Variants in MAMLD1 observed in about 807,000 individuals in gnomAD.
The protein encoded by MAMLD1 is mastermind-like domain-containing protein 1.
A neutral mutation model predicts 45.0 loss-of-function variants in MAMLD1; 14 were observed. The observed-to-expected ratio is 0.31, with a 90% confidence interval of 0.21 to 0.49. The LOEUF (loss-of-function observed/expected upper bound fraction) is 0.49. MAMLD1 is among the 20% of genes least tolerant of loss of function. The probability of loss-of-function intolerance (pLI) is 0.99; values close to 1 mark genes in which losing one functional copy is unlikely to be tolerated. For missense variants in MAMLD1, 543 were observed against 603.6 expected (o/e 0.90, Z 1.05); for synonymous variants, 254 against 247.8 (o/e 1.02, Z -0.24).
intron 1 of MAMLD1, 22 bp from the exon 2 acceptor site, chrX:150,445,432 G>A (rs1023972175): frequency 1.4e-5 from 9 of 629,597 alleles, no homozygotes; most frequent in African/African-American, 2.2e-5. Flanking sequence ...CTGAAAGACA[G>A]TGTACTTTTT....
rs782674291 is a variant in MAMLD1, at chrX:150,472,516, T to C, written c.1917+1026T>C. ...GCAGGAAGCAGTTCCTTGCAGGTTG[T>C]TGGACTGAGGCCTCGGTTTCTCATG... On this transcript the variant is annotated intron_variant, in intron 4 of 7. Coordinates refer to ENST00000370401, the MANE Select transcript of MAMLD1 (RefSeq NM_005491.5). Among the ~76,000 whole-genome samples, 31 of 112,303 alleles carry C rather than the reference T, an allele frequency of 2.8e-4. No homozygotes were observed. The South Asian group carries it at 0.01, about 37-fold the overall frequency.
intron 1 of MAMLD1, among the ~76,000 whole-genome samples, chrX:150,410,272 G>T (rs2034093585): frequency 8.9e-6 from 1 of 112,018 alleles, no homozygotes; most frequent in East Asian, 2.8e-4. Flanking sequence ...ACCTTTATAG[G>T]TCCCTTTGTT....
intron 1 of MAMLD1, among the ~76,000 whole-genome samples, chrX:150,379,452 C>T (rs1557401547): frequency 8.9e-6 from 1 of 111,779 alleles, no homozygotes; most frequent in East Asian, 2.8e-4. Flanking sequence ...GTTCATCTCC[C>T]GGGCCCCACT....
At chrX:150,376,890 A>C (rs1318235032) in intron 1 of MAMLD1, among the ~76,000 whole-genome samples, 1 of 105,810 alleles carries the variant, frequency 9.5e-6, no homozygotes, top group African/African-American at 3.5e-5. Flanking sequence ...AAAAAAAAAA[A>C]CAATCCCAAG....
At chrX:150,493,228 G>T (rs2037243612) in intron 5 of MAMLD1, among the ~76,000 whole-genome samples, 1 of 111,430 alleles carries the variant, frequency 9.0e-6, no homozygotes, top group African/African-American at 3.3e-5. Context: ...AAGAGAGTGT[G>T]CTGAGCTAGG....
intron 5 of MAMLD1, among the ~76,000 whole-genome samples, chrX:150,492,971 T>C (rs2037234908): frequency 9.0e-6 from 1 of 111,290 alleles, no homozygotes; most frequent in Non-Finnish European, 1.9e-5. Flanking sequence ...GAGCCTTCAG[T>C]GACAGGAGAG....
chrX:150,427,479 C>T (rs2034749542), intron 1 of MAMLD1, among the ~76,000 whole-genome samples: 2 of 111,807 alleles, frequency 1.8e-5, no homozygotes, highest in African/African-American at 6.5e-5. Context: ...TCTGCCTTAA[C>T]CCCAAATCTG....
chrX:150,433,748 A>C (rs1449459032), intron 1 of MAMLD1, among the ~76,000 whole-genome samples: 1 of 112,065 alleles, frequency 8.9e-6, no homozygotes, highest in Non-Finnish European at 1.9e-5. Flanking sequence ...TTGCATCACA[A>C]GGATAAAGCC....
intron 1 of MAMLD1, among the ~76,000 whole-genome samples, chrX:150,427,560 C>A (rs2034754377): frequency 1.3e-5 from 1 of 75,862 alleles, no homozygotes; most frequent in South Asian, 8.6e-4. Context: ...AATGCCTGAA[C>A]CACACCTGTC....
At chrX:150,439,673 G>T (rs1299873961) in intron 1 of MAMLD1, among the ~76,000 whole-genome samples, 1 of 111,881 alleles carries the variant, frequency 8.9e-6, no homozygotes, top group East Asian at 2.8e-4. Context: ...GGTGGCTCAC[G>T]CCTGTAATCC....
chrX:150,451,501 G>A (rs2035663735), intron 2 of MAMLD1, among the ~76,000 whole-genome samples: 2 of 111,445 alleles, frequency 1.8e-5, no homozygotes, highest in African/African-American at 3.3e-5. Flanking sequence ...TCCACAGCTG[G>A]AAAGCCCAAT....
At chrX:150,450,994 G>A (rs1557405047) in intron 2 of MAMLD1, among the ~76,000 whole-genome samples, 1 of 112,963 alleles carries the variant, frequency 8.9e-6, no homozygotes, top group Non-Finnish European at 1.9e-5. Flanking sequence ...GCCAGGCAGA[G>A]GCCTTGCCTT....
chrX:150,404,064 A>AAGGAAGGAAGGAAGGAAGGAAGGAAGGG (rs2033938908), intron 1 of MAMLD1, among the ~76,000 whole-genome samples: 1 of 103,296 alleles, frequency 9.7e-6, no homozygotes, highest in African/African-American at 3.6e-5. Context: ...GGAAGGAAGG[A>AAGGAAGGAAGGAAGGAAGGAAGGAAGGG]AAGGAGGGAG....
chrX:150,497,505 G>A (rs2037423640), intron 5 of MAMLD1, among the ~76,000 whole-genome samples: 1 of 108,866 alleles, frequency 9.2e-6, no homozygotes, highest in Non-Finnish European at 1.9e-5. Flanking sequence ...GGCTGGTCTT[G>A]AACTCCTGTC....
intron 5 of MAMLD1, among the ~76,000 whole-genome samples, chrX:150,494,555 GACTTAA>G (rs2037304659): frequency 9.0e-6 from 1 of 111,705 alleles, no homozygotes; most frequent in East Asian, 2.8e-4. Flanking sequence ...CTTATTAATA[GACTTAA>G]ACTTGTAATT....
Position 150,384,163 on chromosome X carries a change from T to C in MAMLD1, c.-64+20633T>C, listed in dbSNP as rs782588702. Reference sequence around the variant, plus strand: ...GAATTTTTGCATCATATGGTAACTCTATGTTTAGCATTTTGAGGAACTGCC... The same window carrying C: ...GAATTTTTGCATCATATGGTAACTCCATGTTTAGCATTTTGAGGAACTGCC... On this transcript the variant is annotated intron_variant, in intron 1 of 7. Coordinates refer to ENST00000370401, the MANE Select transcript of MAMLD1 (RefSeq NM_005491.5). Among the ~76,000 whole-genome samples the C allele has an allele frequency of 3.6e-5, 4 of 112,289 alleles. No homozygotes were observed. In the Admixed American group the frequency reaches 3.8e-4, roughly 11 times the overall value.
intron 1 of MAMLD1, among the ~76,000 whole-genome samples, chrX:150,414,089 C>T (rs923897601): frequency 3.9e-5 from 4 of 103,300 alleles, no homozygotes; most frequent in East Asian, 3.1e-4. Flanking sequence ...GCCAAATTTC[C>T]GAAGGAAAAT....
chrX:150,366,827 G>A (rs1318462219), intron 1 of MAMLD1, among the ~76,000 whole-genome samples: 2 of 111,159 alleles, frequency 1.8e-5, no homozygotes, highest in Non-Finnish European at 3.8e-5. Flanking sequence ...GCTCAAAGTG[G>A]AACTTGGGAC....
rs184975912 is a variant in MAMLD1, at chrX:150,423,101, C to T, written c.-63-22353C>T. On this transcript the variant is annotated intron_variant, in intron 1 of 7. Coordinates refer to ENST00000370401, the MANE Select transcript of MAMLD1 (RefSeq NM_005491.5). ...GTTCGTTTCATTATTTCTCCTAGACCGCCAGCTAAAAATGCTTTGCAAACC... is the reference window on the plus strand; with the variant it reads ...GTTCGTTTCATTATTTCTCCTAGACTGCCAGCTAAAAATGCTTTGCAAACC... Among the ~76,000 whole-genome samples, 63 of 111,793 alleles carry T rather than the reference C, an allele frequency of 5.6e-4. 1 individual carries two copies. The highest frequency in any genetic ancestry group is 1.8e-3 in the African/African-American group (55 of 30,801).
Sources: allele counts gnomAD v4.1 joint callset (sites outside exome capture counted in the v4.1 genomes callset), GRCh38; gene constraint gnomAD v4.1.1; transcripts MANE v1.5; gene names NCBI Gene and HGNC (gene_info 2026-07-23, HGNC 2026-07-21).